CAST: variants seen among roughly 807,000 people sequenced by gnomAD.
The protein encoded by CAST is calpastatin, also known as MIR583 host.
CAST carries 76 observed loss-of-function variants against 119.6 expected under a neutral mutation model. That is an observed-to-expected ratio of 0.64 (90% CI 0.53 to 0.77). The LOEUF (loss-of-function observed/expected upper bound fraction) is 0.77. Ranked by LOEUF, CAST falls within the 30% of genes least tolerant of loss-of-function variation. The probability of loss-of-function intolerance (pLI) is 0.00; values close to 1 mark genes in which losing one functional copy is unlikely to be tolerated. For synonymous variants in CAST, 319 were observed against 331.6 expected, an observed-to-expected ratio of 0.96 and a Z score of 0.41; for missense variants, 953 against 946.5, an observed-to-expected ratio of 1.01 and a Z score of -0.09.
At chr5:96,463,362 T>C in the CAST span, among the ~76,000 whole-genome samples, 1 of 152,082 alleles carries the variant, frequency 6.6e-6, no homozygotes, top group Non-Finnish European at 1.5e-5. Flanking sequence ...GTTGGTTGTT[T>C]TTTGATTTAC....
chr5:96,522,901 C>G (rs1247434570), upstream of CAST, among the ~76,000 whole-genome samples: 3 of 152,144 alleles, frequency 2.0e-5, no homozygotes, highest in African/African-American at 7.2e-5. Flanking sequence ...AGTCGGGCAC[C>G]CAAGCTTAGT....
the CAST span, among the ~76,000 whole-genome samples, chr5:95,971,619 C>T: frequency 1.3e-5 from 2 of 152,210 alleles, no homozygotes; most frequent in African/African-American, 4.8e-5. Context: ...TCCTGCCACC[C>T]ACCCTTAACC....
the CAST span, among the ~76,000 whole-genome samples, chr5:96,306,408 C>T: frequency 1.3e-5 from 2 of 152,092 alleles, no homozygotes; most frequent in African/African-American, 4.8e-5. Context: ...CTCCTGGCCT[C>T]ACTGACTTTT....
the CAST span, among the ~76,000 whole-genome samples, chr5:96,195,287 A>G: frequency 1.4e-4 from 22 of 152,322 alleles, 1 homozygote; most frequent in South Asian, 4.6e-3. Context: ...TTGGAATAAA[A>G]TCACTATTTT....
At chr5:96,616,426 G>C (rs1002921814) in intron 1 of CAST, among the ~76,000 whole-genome samples, 2 of 152,174 alleles carry the variant, frequency 1.3e-5, no homozygotes, top group African/African-American at 4.8e-5. Context: ...CTGACAAGAA[G>C]CTTCTAGAAG....
At chr5:95,980,284 C>G in the CAST span, 1 of 152,068 alleles carries the variant, frequency 6.6e-6, no homozygotes, top group Admixed American at 6.6e-5. Context: ...TTGGTGCTGG[C>G]TTATATTTTC....
At chr5:96,280,187 G>A in the CAST span, among the ~76,000 whole-genome samples, 5 of 152,142 alleles carry the variant, frequency 3.3e-5, no homozygotes, top group African/African-American at 1.2e-4. Context: ...GCACTAAGCA[G>A]AGAAAAAGAT....
At chr5:96,558,783 G>A (rs904847451) in intron 1 of CAST, among the ~76,000 whole-genome samples, 3 of 152,202 alleles carry the variant, frequency 2.0e-5, no homozygotes, top group African/African-American at 7.2e-5. Flanking sequence ...GAGCTATGAG[G>A]AGGAGCTAGT....
chr5:96,091,918 G>T, the CAST span, among the ~76,000 whole-genome samples: 1 of 152,202 alleles, frequency 6.6e-6, no homozygotes, highest in African/African-American at 2.4e-5. Context: ...GTCAGGGTTA[G>T]TACCAAATCA....
At chr5:96,400,580 T>C in the CAST span, among the ~76,000 whole-genome samples, 94 of 152,344 alleles carry the variant, frequency 6.2e-4, no homozygotes, top group African/African-American at 2.1e-3. Flanking sequence ...CTTAGCACTT[T>C]CAGCATTATG....
chr5:96,312,504 C>G, the CAST span, among the ~76,000 whole-genome samples: 1 of 152,028 alleles, frequency 6.6e-6, no homozygotes, highest in African/African-American at 2.4e-5. Flanking sequence ...TTTTACATCC[C>G]AACACCAAGG....
At chr5:96,304,683 C>A in the CAST span, among the ~76,000 whole-genome samples, 1 of 152,142 alleles carries the variant, frequency 6.6e-6, no homozygotes, top group Non-Finnish European at 1.5e-5. Flanking sequence ...TCCAGTTTTC[C>A]GAAGACCATT....
chr5:96,310,360 G>A, the CAST span, among the ~76,000 whole-genome samples: 2 of 152,100 alleles, frequency 1.3e-5, no homozygotes, highest in Non-Finnish European at 1.5e-5. Context: ...CTTTTGCACT[G>A]ATGTTAATCA....
At chr5:96,727,461 T>G (rs1215903081) in intron 5 of CAST, 28 bp from the exon 6 acceptor site, 2 of 1,368,064 alleles carry the variant, frequency 1.5e-6, no homozygotes, top group Non-Finnish European at 2.0e-6. Context: ...CTTCCTTCCT[T>G]TTTTTCTTTC....
At chr5:96,433,760 G>A in the CAST span, among the ~76,000 whole-genome samples, 2 of 152,114 alleles carry the variant, frequency 1.3e-5, no homozygotes, top group African/African-American at 4.8e-5. Flanking sequence ...AATTGTCTGA[G>A]AAAATTAGCA....
chr5:95,977,024 T>C, the CAST span, among the ~76,000 whole-genome samples: 1,162 of 152,334 alleles, frequency 7.6e-3, 13 homozygotes, highest in African/African-American at 0.027. Flanking sequence ...ATGATGATGA[T>C]GTTAGCTGTT....
At chr5:96,006,427 G>A in the CAST span, among the ~76,000 whole-genome samples, 1 of 152,080 alleles carries the variant, frequency 6.6e-6, no homozygotes, top group Non-Finnish European at 1.5e-5. Context: ...TTTGTGTTGG[G>A]CCACATTCCA....
chr5:96,007,133 C>CAA, the CAST span, among the ~76,000 whole-genome samples: 1 of 152,166 alleles, frequency 6.6e-6, no homozygotes, highest in African/African-American at 2.4e-5. Flanking sequence ...GACCAGTTTG[C>CAA]TTCCATTAAG....
At chr5:96,276,462 C>T in the CAST span, among the ~76,000 whole-genome samples, 5 of 152,172 alleles carry the variant, frequency 3.3e-5, no homozygotes, top group South Asian at 1.0e-3. Context: ...CTGAAGCAGG[C>T]TGGGGCAAAA....
Sources: allele counts gnomAD v4.1 joint callset (sites outside exome capture counted in the v4.1 genomes callset), GRCh38; gene constraint gnomAD v4.1.1; transcripts MANE v1.5; gene names NCBI Gene and HGNC (gene_info 2026-07-23, HGNC 2026-07-21).